Variants in PAK5 observed in about 807,000 individuals in gnomAD.
PAK5 encodes p21 (RAC1) activated kinase 5.
A neutral mutation model predicts 65.9 loss-of-function variants in PAK5; 16 were observed. That is an observed-to-expected ratio of 0.24 (90% CI 0.16 to 0.37). The LOEUF (loss-of-function observed/expected upper bound fraction) is 0.37. PAK5 is among the 10% of genes least tolerant of loss of function. PAK5 has a pLI of 1.00. For missense variants in PAK5, 785 were observed against 903.9 expected (o/e 0.87, Z 1.69); for synonymous variants, 371 against 354.9 (o/e 1.05, Z -0.51).
At chr20:9,721,608 G>A (rs111965998) in intron 1 of PAK5, among the ~76,000 whole-genome samples, 2,258 of 121,572 alleles carry the variant, frequency 0.019, 22 homozygotes, top group Middle Eastern at 0.096. Flanking sequence ...AGTTAAGAAC[G>A]CACCACTGCA....
chr20:9,782,455 G>A (rs1325768481), intron 1 of PAK5, among the ~76,000 whole-genome samples: 1 of 152,126 alleles, frequency 6.6e-6, no homozygotes, highest in African/African-American at 2.4e-5. Context: ...ACTACGACAT[G>A]CTATTGATTG....
intron 2 of PAK5, among the ~76,000 whole-genome samples, chr20:9,652,819 GA>G (rs2047219115): frequency 6.6e-6 from 1 of 152,102 alleles, no homozygotes; most frequent in Non-Finnish European, 1.5e-5. Context: ...CTTCATACCT[GA>G]ATCTTTGTTT....
chr20:9,625,121 C>T, intron 3 of PAK5, among the ~76,000 whole-genome samples: 1 of 152,136 alleles, frequency 6.6e-6, no homozygotes, highest in East Asian at 1.9e-4. Flanking sequence ...TCCACAGCTT[C>T]CACCACCACC....
At chr20:9,680,256 G>T (rs2047631795) in intron 2 of PAK5, among the ~76,000 whole-genome samples, 1 of 152,164 alleles carries the variant, frequency 6.6e-6, no homozygotes, top group African/African-American at 2.4e-5. Context: ...CTGTAATTTA[G>T]TAAGTTAAAG....
chr20:9,548,175 G>A (rs565485290), intron 7 of PAK5, among the ~76,000 whole-genome samples: 142 of 152,158 alleles, frequency 9.3e-4, no homozygotes, highest in Non-Finnish European at 1.2e-3. Context: ...GCTGTTCCTA[G>A]AATGTAGAAT....
At chr20:9,798,494 G>T (rs562821884) in intron 1 of PAK5, among the ~76,000 whole-genome samples, 1 of 152,214 alleles carries the variant, frequency 6.6e-6, no homozygotes, top group African/African-American at 2.4e-5. Context: ...ACAGATTTGT[G>T]ATAAGAAGAT....
At chr20:9,832,826 GCATT>G (rs1226231578) in intron 1 of PAK5, among the ~76,000 whole-genome samples, 1 of 151,820 alleles carries the variant, frequency 6.6e-6, no homozygotes, top group Non-Finnish European at 1.5e-5. Flanking sequence ...TTTGAATTAT[GCATT>G]CAGATATTTG....
chr20:9,803,804 A>C (rs1472745666), intron 1 of PAK5, among the ~76,000 whole-genome samples: 1 of 152,152 alleles, frequency 6.6e-6, no homozygotes, highest in Non-Finnish European at 1.5e-5. Context: ...TCCTAACTCC[A>C]TGTCTTTTTC....
rs115584954 is a variant in PAK5 at position 9,733,056 on chromosome 20, C to A, written c.-161-21621G>T. ...TCTGGAAGAACCTACTTTCTCAGAA[C>A]TAGATTTAAATATTTATCAGGTGTT... On this transcript the variant is annotated intron_variant, in intron 1 of 9. Coordinates refer to ENST00000353224, the MANE Select transcript of PAK5 (RefSeq NM_177990.4). Among the ~76,000 whole-genome samples the A allele has an allele frequency of 4.0e-4, 61 of 152,270 alleles. No homozygotes were observed. In the East Asian group the frequency reaches 4.4e-3, roughly 11 times the overall value.
At chr20:9,742,727 C>T (rs7274775) in intron 1 of PAK5, among the ~76,000 whole-genome samples, 34,928 of 152,104 alleles carry the variant, frequency 0.23, 4,409 homozygotes, top group Middle Eastern at 0.38. Context: ...AATGGTAAGG[C>T]CTCAAAAGTT....
chr20:9,644,234 A>C lies in PAK5; in HGVS notation c.95T>G (p.Phe32Cys), dbSNP rs779847532. 6.2e-7 allele frequency: 1 copy of C among 1,608,138 alleles called. No individual in the cohort carries two copies. Among genetic ancestry groups the C allele is most frequent in the Non-Finnish European group, 8.5e-7 (1 of 1,177,892 alleles). Residue 32 changes from phenylalanine (F) to cysteine (C), a missense_variant, in exon 3 of 10, where the codon TTT (phenylalanine) becomes TGT (cysteine). By Grantham distance (205) the Phe-to-Cys change is radical. Transcript: ENST00000353224. ...GTGCCACTGCTGGGGAAGGCCGGTA[A>C]ACTTCTGCTCTTGTGGATCAAACCC... ...HTGFDPQEQKFTGLPQQWHSL... is the reference protein window; with the variant it reads ...HTGFDPQEQKCTGLPQQWHSL...
At chr20:9,783,475 T>C (rs981398693) in intron 1 of PAK5, among the ~76,000 whole-genome samples, 4 of 152,186 alleles carry the variant, frequency 2.6e-5, no homozygotes, top group African/African-American at 9.6e-5. Context: ...ATATTCTGAA[T>C]TTCTGTTTCA....
chr20:9,669,930 C>G lies in PAK5; in HGVS notation c.-11-25591G>C, dbSNP rs559888838. Among the ~76,000 whole-genome samples the G allele has an allele frequency of 2.0e-4, 30 of 151,552 alleles. 1 individual carries two copies. Among genetic ancestry groups the G allele is most frequent in the South Asian group, 1.3e-3 (6 of 4,800 alleles). On this transcript the variant is annotated intron_variant, in intron 2 of 9. Coordinates refer to ENST00000353224, the MANE Select transcript of PAK5 (RefSeq NM_177990.4). ...AATGCTATCCCTTCTGCCTCCCCCC[C>G]ACCCCACAACAGTCCCCAGAGTGTG...
intron 1 of PAK5, among the ~76,000 whole-genome samples, chr20:9,805,847 A>C (rs1400494171): frequency 6.6e-6 from 1 of 152,214 alleles, no homozygotes; most frequent in Non-Finnish European, 1.5e-5. Flanking sequence ...ATAGTCTAAC[A>C]ATCAAAATCA....
intron 1 of PAK5, among the ~76,000 whole-genome samples, chr20:9,773,912 T>C (rs2048860205): frequency 6.6e-6 from 1 of 152,170 alleles, no homozygotes. Context: ...AGTTCATGCT[T>C]TGCAGTAACT....
chr20:9,803,483 T>C (rs1477254248), intron 1 of PAK5, among the ~76,000 whole-genome samples: 1 of 152,168 alleles, frequency 6.6e-6, no homozygotes, highest in Non-Finnish European at 1.5e-5. Context: ...AGATATTTTA[T>C]ATGCAAATAA....
At chr20:9,616,479 A>G (rs1016993944) in intron 3 of PAK5, among the ~76,000 whole-genome samples, 1 of 152,240 alleles carries the variant, frequency 6.6e-6, no homozygotes, top group Admixed American at 6.5e-5. Flanking sequence ...CTTCGGCTAA[A>G]GCCTTTGTGT....
chr20:9,817,348 A>T (rs1234459325), intron 1 of PAK5, among the ~76,000 whole-genome samples: 3 of 151,754 alleles, frequency 2.0e-5, no homozygotes, highest in African/African-American at 7.3e-5. Flanking sequence ...CATAATGTAC[A>T]TTCATTGAGC....
intron 1 of PAK5, among the ~76,000 whole-genome samples, chr20:9,742,171 C>T (rs112342228): frequency 2.6e-5 from 4 of 152,220 alleles, no homozygotes; most frequent in African/African-American, 4.8e-5. Context: ...ATCCTCCCCC[C>T]ACCCCAATGT....
Sources: allele counts gnomAD v4.1 joint callset (sites outside exome capture counted in the v4.1 genomes callset), GRCh38; gene constraint gnomAD v4.1.1; transcripts MANE v1.5; gene names NCBI Gene and HGNC (gene_info 2026-07-23, HGNC 2026-07-21).